Variants in ACOT13 observed in about 807,000 individuals in gnomAD.
The protein encoded by ACOT13 is acyl-CoA thioesterase 13, also known as acyl-coenzyme A thioesterase 13.
In ACOT13, 10 loss-of-function variants were observed where a neutral mutation model predicts 11.8. That is an observed-to-expected ratio of 0.85 (90% CI 0.53 to 1.44). The LOEUF (loss-of-function observed/expected upper bound fraction) is 1.44, where lower values mean the gene tolerates loss of function less well. Ranked by LOEUF, ACOT13 falls within the 40% of genes most tolerant of loss-of-function variation. The pLI is 0.00. For missense variants in ACOT13, 172 were observed against 174.1 expected, an observed-to-expected ratio of 0.99 and a Z score of 0.07; for synonymous variants, 53 against 61.0, an observed-to-expected ratio of 0.87 and a Z score of 0.61.
rs767872697 is a variant in ACOT13, at chr6:24,704,265, A to T, written c.*2650A>T. The stretch of plus-strand genomic sequence containing the variant: ...AATGAAAAAAATGTGGCAAAATAAT[A>T]AAAATGAGGGTAAAGATTACACAAC... On this transcript the variant is annotated 3_prime_UTR_variant, in exon 3 of 3. Coordinates refer to ENST00000230048, the MANE Select transcript of ACOT13 (RefSeq NM_018473.4). 18 of 152,372 alleles carry T rather than the reference A, an allele frequency of 1.2e-4. No homozygotes were observed. The highest frequency in any genetic ancestry group is 2.5e-4 in the Non-Finnish European group (17 of 68,036). 9.4% of individuals were successfully genotyped at this position (152,372 alleles called of 1,614,324 possible).
chr6:24,692,545 G>C (rs754059126), intron 1 of ACOT13, among the ~76,000 whole-genome samples: 1 of 151,896 alleles, frequency 6.6e-6, no homozygotes, highest in African/African-American at 2.4e-5. Flanking sequence ...AGCTTCCCTC[G>C]GAGCTGGGAC....
intron 1 of ACOT13, among the ~76,000 whole-genome samples, chr6:24,696,068 A>G (rs1219976610): frequency 6.6e-6 from 1 of 152,202 alleles, no homozygotes; most frequent in Non-Finnish European, 1.5e-5. Context: ...AAAACAAAAA[A>G]CAAACAAAAA....
In ACOT13 at chr6:24,667,082, G is replaced by A. The variant is rs913813461; in HGVS notation, c.-182G>A. 1.8e-5 allele frequency: 15 copies of A among 847,054 alleles called. No homozygotes were observed. The highest frequency in any genetic ancestry group is 2.3e-5 in the Non-Finnish European group (13 of 557,530). 52.5% of individuals were successfully genotyped at this position (847,054 alleles called of 1,614,324 possible). The stretch of plus-strand genomic sequence containing the variant: ...ACAAGGGTGCGAGGAAAGTCAGTGA[G>A]CAAATCGCGGACCACCGGGGCTGCC... On this transcript the variant is annotated 5_prime_UTR_variant, in exon 1 of 3. Coordinates refer to ENST00000230048, the MANE Select transcript of ACOT13 (RefSeq NM_018473.4).
intron 1 of ACOT13, among the ~76,000 whole-genome samples, chr6:24,675,336 A>C (rs1582434694): frequency 6.6e-6 from 1 of 152,316 alleles, no homozygotes; most frequent in South Asian, 2.1e-4. Flanking sequence ...ACTAGTTTAC[A>C]GTCCCACCAA....
chr6:24,701,225 A>G (rs564256439), intron 2 of ACOT13: 3 of 322,806 alleles, frequency 9.3e-6, no homozygotes, highest in East Asian at 9.7e-5. Flanking sequence ...AGGGGAGGCA[A>G]GAAAACCTCT....
chr6:24,675,741 C>T (rs1206093207), intron 1 of ACOT13, among the ~76,000 whole-genome samples: 1 of 152,140 alleles, frequency 6.6e-6, no homozygotes, highest in Non-Finnish European at 1.5e-5. Flanking sequence ...TTAATTAGCT[C>T]CCATTTGTCA....
rs376731012 is a variant in ACOT13, at chr6:24,700,284, C to G, written c.267-1175C>G. ...TCAGTTTAAGTTAATGGCTGTTAGC[C>G]AAAATTCTTGATTTCTAAGACAAAA... On this transcript the variant is annotated intron_variant, in intron 2 of 2. Transcript: ENST00000230048. Among the ~76,000 whole-genome samples, 71 of 152,230 alleles carry G rather than the reference C, an allele frequency of 4.7e-4. No homozygotes were observed. In the South Asian group the frequency reaches 0.014, roughly 29 times the overall value.
chr6:24,687,554 T>G, intron 1 of ACOT13: 3 of 1,413,058 alleles, frequency 2.1e-6, no homozygotes, highest in Non-Finnish European at 1.9e-6. Context: ...TGGAAATGAG[T>G]GATGAAGGTG....
intron 1 of ACOT13, among the ~76,000 whole-genome samples, chr6:24,679,689 T>TG: frequency 6.6e-6 from 1 of 152,336 alleles, no homozygotes; most frequent in African/African-American, 2.4e-5. Context: ...ATCCTATCAT[T>TG]GACCTGACTG....
rs182119078 is a variant in ACOT13 at position 24,699,400 on chromosome 6, T to C, written c.266+1333T>C. ...AATTTGTTTGTATTTTTAGTAGAGA[T>C]GGGGTTTCACCGTGTTAGCCAGGCT... On this transcript the variant is annotated intron_variant, in intron 2 of 2. Coordinates refer to ENST00000230048, the MANE Select transcript of ACOT13 (RefSeq NM_018473.4). 3.4e-3 allele frequency among the ~76,000 whole-genome samples: 510 copies of C among 152,036 alleles called. 6 individuals carry two copies. Among genetic ancestry groups the C allele is most frequent in the Admixed American group, 0.02 (301 of 15,298 alleles).
At chr6:24,668,529 G>A (rs1778303621) in intron 1 of ACOT13, among the ~76,000 whole-genome samples, 1 of 152,190 alleles carries the variant, frequency 6.6e-6, no homozygotes, top group Admixed American at 6.5e-5. Context: ...CCAAAAGCAG[G>A]GATTTACTGA....
chr6:24,683,276 G>T (rs551376772), intron 1 of ACOT13, among the ~76,000 whole-genome samples: 71 of 152,282 alleles, frequency 4.7e-4, no homozygotes, highest in African/African-American at 1.6e-3. Context: ...GGTGGCTCAC[G>T]CCTGTAATCC....
intron 1 of ACOT13, among the ~76,000 whole-genome samples, chr6:24,680,640 A>G (rs918283732): frequency 6.6e-6 from 1 of 152,014 alleles, no homozygotes; most frequent in Non-Finnish European, 1.5e-5. Flanking sequence ...GGGCTGCTGG[A>G]TTCTAGTGGT....
intron 1 of ACOT13, among the ~76,000 whole-genome samples, chr6:24,685,152 G>A (rs554301784): frequency 1.3e-5 from 2 of 152,224 alleles, no homozygotes; most frequent in Non-Finnish European, 2.9e-5. Flanking sequence ...CGTGGCTACT[G>A]GCTGTTGAAC....
intron 1 of ACOT13, among the ~76,000 whole-genome samples, chr6:24,685,825 A>C (rs539892121): frequency 9.8e-5 from 15 of 152,286 alleles, no homozygotes; most frequent in African/African-American, 2.9e-4. Flanking sequence ...TCTGTGCCCT[A>C]TTCCCCCACA....
At chr6:24,689,497 T>A (rs1040547560) in intron 1 of ACOT13, among the ~76,000 whole-genome samples, 6 of 152,164 alleles carry the variant, frequency 3.9e-5, no homozygotes, top group African/African-American at 1.4e-4. Flanking sequence ...GAGAAATGAC[T>A]GTGATACATT....
Position 24,703,460 on chromosome 6 carries a change from G to A in ACOT13, c.*1845G>A, listed in dbSNP as rs1369367356. 1 of 152,188 alleles carries A rather than the reference G, an allele frequency of 6.6e-6. No individual in the cohort carries two copies. Among genetic ancestry groups the A allele is most frequent in the East Asian group, 1.9e-4 (1 of 5,188 alleles). The allele number at this position is 152,188 out of a possible 1,614,324, so 9.4% of individuals were successfully genotyped here. Reference sequence around the variant, plus strand: ...CAGCTGACTCCAGGGCTTGAGGCTGGGACAGAAAGGTTACAGTATCTTATG... The same window carrying A: ...CAGCTGACTCCAGGGCTTGAGGCTGAGACAGAAAGGTTACAGTATCTTATG... On this transcript the variant is annotated 3_prime_UTR_variant, in exon 3 of 3. Transcript: ENST00000230048.
chr6:24,668,982 T>G (rs184953045), intron 1 of ACOT13, among the ~76,000 whole-genome samples: 1 of 152,364 alleles, frequency 6.6e-6, no homozygotes, highest in African/African-American at 2.4e-5. Context: ...AATTTAGTTC[T>G]AGGAAGTCAG....
chr6:24,693,101 C>T (rs950944784), intron 1 of ACOT13, among the ~76,000 whole-genome samples: 8 of 152,228 alleles, frequency 5.3e-5, no homozygotes, highest in Non-Finnish European at 1.2e-4. Context: ...AGACACACCT[C>T]CTGTCATCTG....
Sources: gnomAD v4.1 joint callset for allele counts (sites outside exome capture counted in the v4.1 genomes callset) on GRCh38, gnomAD v4.1.1 for gene constraint, MANE v1.5 for transcripts, NCBI Gene and HGNC (gene_info 2026-07-23, HGNC 2026-07-21) for gene names.